TBC1D32: variants seen among roughly 807,000 people sequenced by gnomAD.
TBC1D32 encodes protein broad-minded.
Under a neutral mutation model 170.3 loss-of-function variants are expected in TBC1D32, and 151 were observed. The ratio of observed to expected loss-of-function variants is 0.89; its 90% CI spans 0.78 to 1.01. The LOEUF (loss-of-function observed/expected upper bound fraction) is 1.01. TBC1D32 is among the 50% of genes least tolerant of loss of function. TBC1D32 has a pLI of 0.00. For missense variants in TBC1D32, 1,464 were observed against 1,457.1 expected (o/e 1.00, Z -0.08); for synonymous variants, 498 against 488.0 (o/e 1.02, Z -0.27).
intron 14 of TBC1D32, among the ~76,000 whole-genome samples, chr6:121,279,658 T>C (rs960111169): frequency 6.5e-4 from 99 of 151,962 alleles, no homozygotes; most frequent in Non-Finnish European, 2.9e-5. Context: ...GGTGTCATTC[T>C]CTTACACACA....
intron 30 of TBC1D32, among the ~76,000 whole-genome samples, chr6:121,103,859 T>C (rs1372867077): frequency 1.3e-5 from 2 of 152,016 alleles, no homozygotes; most frequent in Admixed American, 6.6e-5. Flanking sequence ...GTTGAGCTTT[T>C]TAGAAGAATA....
intron 22 of TBC1D32, among the ~76,000 whole-genome samples, chr6:121,186,952 C>G (rs563553598): frequency 6.6e-6 from 1 of 151,902 alleles, no homozygotes; most frequent in South Asian, 2.1e-4. Flanking sequence ...GTCCTGCCAA[C>G]AGTAAGCACT....
chr6:121,333,622 C>CA (rs1811481950), intron 1 of TBC1D32, among the ~76,000 whole-genome samples: 2 of 152,146 alleles, frequency 1.3e-5, no homozygotes, highest in Non-Finnish European at 2.9e-5. Context: ...GAACTCATTG[C>CA]TTTTAAGTAC....
At chr6:121,206,216 G>GA (rs74509676) in intron 21 of TBC1D32, among the ~76,000 whole-genome samples, 11,145 of 74,534 alleles carry the variant, frequency 0.15, 687 homozygotes, top group African/African-American at 0.28. Flanking sequence ...TCTCAGAAAA[G>GA]AAAAAAAAAA....
At chr6:121,315,281 C>G (rs563749788) in intron 3 of TBC1D32, among the ~76,000 whole-genome samples, 20 of 152,210 alleles carry the variant, frequency 1.3e-4, no homozygotes, top group Non-Finnish European at 2.6e-4. Flanking sequence ...GAATATAAAG[C>G]TAAGTACAGG....
intron 3 of TBC1D32, among the ~76,000 whole-genome samples, chr6:121,311,108 A>G (rs2128488459): frequency 1.3e-5 from 2 of 152,332 alleles, no homozygotes; most frequent in Middle Eastern, 6.8e-3. Flanking sequence ...ACATTATAAG[A>G]CTCAAAAGAC....
At position 121,317,491 on chromosome 6, in the gene TBC1D32, A is replaced by G. The variant is rs200668673; in HGVS notation, c.495+4T>C. On this transcript the variant is annotated splice_donor_region_variant and intron_variant, in intron 3 of 31. Transcript: ENST00000398212. ...AGACATAAATGCAAAACTGAACAACACACCTGATTCAATGATGAATCACTA... is the reference window on the plus strand; with the variant it reads ...AGACATAAATGCAAAACTGAACAACGCACCTGATTCAATGATGAATCACTA... 7 of 1,578,932 alleles carry G rather than the reference A, an allele frequency of 4.4e-6. No individual in the cohort carries two copies. In the East Asian group the frequency reaches 1.6e-4, roughly 37 times the overall value.
At chr6:121,245,698 AG>A (rs777838052) in intron 17 of TBC1D32, among the ~76,000 whole-genome samples, 36 of 152,228 alleles carry the variant, frequency 2.4e-4, no homozygotes, top group African/African-American at 3.1e-4. Context: ...AGAACAATTC[AG>A]GGTGACTTCA....
chr6:121,192,020 T>C (rs529536599), intron 22 of TBC1D32, among the ~76,000 whole-genome samples: 34 of 146,572 alleles, frequency 2.3e-4, no homozygotes, highest in East Asian at 4.1e-4. Context: ...AGACAGCCTA[T>C]TGTGGGACTT....
At chr6:121,246,008 T>C (rs901111587) in intron 17 of TBC1D32, among the ~76,000 whole-genome samples, 3 of 152,158 alleles carry the variant, frequency 2.0e-5, no homozygotes, top group African/African-American at 7.2e-5. Flanking sequence ...CTGACCACTA[T>C]TGGGTATTAC....
chr6:121,145,183 T>C (rs775776166), intron 24 of TBC1D32, among the ~76,000 whole-genome samples: 5 of 152,092 alleles, frequency 3.3e-5, no homozygotes, highest in African/African-American at 4.8e-5. Context: ...AGAGAAGATA[T>C]TTTAAATATA....
chr6:121,247,324 T>C (rs1418959109), intron 17 of TBC1D32, among the ~76,000 whole-genome samples: 1 of 150,072 alleles, frequency 6.7e-6, no homozygotes, highest in Non-Finnish European at 1.5e-5. Context: ...CTAAAAGGAG[T>C]TCTAAATCTT....
At chr6:121,106,283 T>A in intron 29 of TBC1D32, 120 bp from the exon 30 acceptor site, 1 of 453,326 alleles carries the variant, frequency 2.2e-6, no homozygotes, top group Non-Finnish European at 3.3e-6. Context: ...TCAAAATTAA[T>A]ATGGTGGCAT....
chr6:121,179,559 A>G (rs1666487357), intron 22 of TBC1D32, among the ~76,000 whole-genome samples: 1 of 152,088 alleles, frequency 6.6e-6, no homozygotes, highest in African/African-American at 2.4e-5. Flanking sequence ...AGAAAGCTAC[A>G]ATGTATGACT....
chr6:121,148,941 TC>T (rs1281368434), intron 24 of TBC1D32, among the ~76,000 whole-genome samples: 6 of 152,212 alleles, frequency 3.9e-5, no homozygotes, highest in African/African-American at 1.4e-4. Flanking sequence ...TTTTTAATGA[TC>T]ACCATTCTAA....
chr6:121,268,242 A>G (rs1800822656), intron 15 of TBC1D32, among the ~76,000 whole-genome samples: 1 of 152,202 alleles, frequency 6.6e-6, no homozygotes, highest in Non-Finnish European at 1.5e-5. Flanking sequence ...AACAGAACAA[A>G]GCTGAATGGA....
intron 31 of TBC1D32, among the ~76,000 whole-genome samples, chr6:121,089,507 A>G (rs1776594387): frequency 1.3e-5 from 2 of 152,156 alleles, no homozygotes; most frequent in African/African-American, 4.8e-5. Flanking sequence ...ACATAATTTC[A>G]ATTTGCTTAA....
intron 22 of TBC1D32, among the ~76,000 whole-genome samples, chr6:121,198,244 TATTA>T (rs1306996946): frequency 2.9e-4 from 41 of 140,626 alleles, no homozygotes; most frequent in South Asian, 6.5e-4. Flanking sequence ...TAAATATATA[TATTA>T]TATATATATA....
intron 27 of TBC1D32, among the ~76,000 whole-genome samples, chr6:121,113,500 G>A (rs1224199297): frequency 6.6e-6 from 1 of 152,160 alleles, no homozygotes; most frequent in Non-Finnish European, 1.5e-5. Flanking sequence ...GAGTCTAGAA[G>A]TACCTTTAGA....
Sources: gnomAD v4.1 joint callset for allele counts (sites outside exome capture counted in the v4.1 genomes callset) on GRCh38, gnomAD v4.1.1 for gene constraint, MANE v1.5 for transcripts, NCBI Gene and HGNC (gene_info 2026-07-23, HGNC 2026-07-21) for gene names.